Variants in PKNOX2 observed in about 807,000 individuals in gnomAD.
PKNOX2 encodes the protein homeobox protein PKNOX2.
A neutral mutation model predicts 53.1 loss-of-function variants in PKNOX2; 14 were observed. The ratio of observed to expected loss-of-function variants is 0.26; its 90% CI spans 0.17 to 0.41. The LOEUF is 0.41. PKNOX2 is among the 10% of genes least tolerant of loss of function. The pLI is 1.00. For synonymous variants in PKNOX2, 257 were observed against 242.8 expected, an observed-to-expected ratio of 1.06 and a Z score of -0.54; for missense variants, 496 against 602.8, an observed-to-expected ratio of 0.82 and a Z score of 1.85.
At chr11:125,297,254 G>A (rs779018911) in intron 2 of PKNOX2, among the ~76,000 whole-genome samples, 34 of 152,202 alleles carry the variant, frequency 2.2e-4, no homozygotes, top group Non-Finnish European at 3.5e-4. Context: ...CAGAATGGAG[G>A]CAGATAGCAG....
At chr11:125,319,140 C>T (rs910507303) in intron 2 of PKNOX2, among the ~76,000 whole-genome samples, 2 of 152,168 alleles carry the variant, frequency 1.3e-5, no homozygotes, top group African/African-American at 2.4e-5. Flanking sequence ...ACATGGGACT[C>T]CTTTCACTAG....
chr11:125,247,272 G>A (rs1943635795), intron 2 of PKNOX2, among the ~76,000 whole-genome samples: 1 of 152,116 alleles, frequency 6.6e-6, no homozygotes, highest in South Asian at 2.1e-4. Flanking sequence ...TGTTTACCTG[G>A]TTGGAACCCA....
chr11:125,249,003 ATATAT>A lies in PKNOX2; in HGVS notation c.-130+13894_-130+13898del, dbSNP rs554960505. 4.0e-3 allele frequency among the ~76,000 whole-genome samples: 576 copies of A among 145,744 alleles called. 1 individual carries two copies. The highest frequency in any genetic ancestry group is 0.013 in the African/African-American group (522 of 40,094). ...AATATATGTATATATAACATACATA[ATATAT>A]TATATATAACTTATATAATATAGTA... On this transcript the variant is annotated intron_variant, in intron 2 of 12. Coordinates refer to ENST00000298282, the MANE Select transcript of PKNOX2 (RefSeq NM_001382323.2).
chr11:125,292,305 C>T (rs747420247), intron 2 of PKNOX2, among the ~76,000 whole-genome samples: 4 of 152,182 alleles, frequency 2.6e-5, no homozygotes, highest in Non-Finnish European at 4.4e-5. Context: ...GGGGCTTGTG[C>T]CCCTGACAGC....
intron 1 of PKNOX2, among the ~76,000 whole-genome samples, chr11:125,195,000 T>C (rs910772976): frequency 6.6e-6 from 1 of 152,152 alleles, no homozygotes; most frequent in Non-Finnish European, 1.5e-5. Context: ...CTCTTTTGTA[T>C]TATGGACGGG....
At chr11:125,175,850 G>A (rs1213664434) in intron 1 of PKNOX2, among the ~76,000 whole-genome samples, 3 of 152,232 alleles carry the variant, frequency 2.0e-5, no homozygotes, top group Admixed American at 6.5e-5. Flanking sequence ...GTATGTGGAT[G>A]TGTTATACAT....
chr11:125,341,932 G>T (rs947413779), intron 3 of PKNOX2, among the ~76,000 whole-genome samples: 1 of 152,204 alleles, frequency 6.6e-6, no homozygotes, highest in African/African-American at 2.4e-5. Flanking sequence ...CTTCCAAGGG[G>T]GTGGTGAGGA....
intron 10 of PKNOX2, among the ~76,000 whole-genome samples, chr11:125,413,344 A>T (rs929830547): frequency 1.8e-4 from 28 of 152,202 alleles, no homozygotes; most frequent in Non-Finnish European, 3.1e-4. Flanking sequence ...CACAGGGGGA[A>T]CGCCCAGGTC....
At chr11:125,288,743 G>A (rs1345714459) in intron 2 of PKNOX2, among the ~76,000 whole-genome samples, 1 of 152,200 alleles carries the variant, frequency 6.6e-6, no homozygotes, top group Admixed American at 6.5e-5. Context: ...CTCCAAGTGT[G>A]GCCTGAGGAC....
intron 10 of PKNOX2, among the ~76,000 whole-genome samples, chr11:125,412,198 T>C (rs1465440417): frequency 1.3e-5 from 2 of 151,754 alleles, no homozygotes; most frequent in Non-Finnish European, 2.9e-5. Context: ...CTGCGGGGAG[T>C]GGGTGGTTTC....
At chr11:125,284,966 TTGAG>T (rs772741909) in intron 2 of PKNOX2, among the ~76,000 whole-genome samples, 11 of 152,166 alleles carry the variant, frequency 7.2e-5, no homozygotes, top group Admixed American at 3.9e-4. Context: ...TGGGGACTGA[TTGAG>T]TGGGAGGCTT....
At chr11:125,322,971 T>C (rs1949612161) in intron 2 of PKNOX2, among the ~76,000 whole-genome samples, 3 of 152,196 alleles carry the variant, frequency 2.0e-5, no homozygotes, top group African/African-American at 7.2e-5. Flanking sequence ...ATAACCCCAG[T>C]ACATAAAGTC....
chr11:125,287,638 T>G, intron 2 of PKNOX2: 1 of 152,152 alleles, frequency 6.6e-6, no homozygotes. Flanking sequence ...TTGGGCTAGT[T>G]CCCGGCTGAG....
intron 1 of PKNOX2, among the ~76,000 whole-genome samples, chr11:125,217,008 AACAC>A (rs10571639): frequency 0.041 from 6,037 of 147,092 alleles, 251 homozygotes; most frequent in East Asian, 0.22. Context: ...ATCCCCTCAA[AACAC>A]ACACACACAC....
chr11:125,276,214 G>A (rs928650885), intron 2 of PKNOX2, among the ~76,000 whole-genome samples: 1 of 152,132 alleles, frequency 6.6e-6, no homozygotes, highest in African/African-American at 2.4e-5. Context: ...TGGAGCGGTG[G>A]GTAATAAAGC....
intron 7 of PKNOX2, among the ~76,000 whole-genome samples, chr11:125,408,771 C>G (rs1229502710): frequency 6.6e-6 from 1 of 152,168 alleles, no homozygotes. Context: ...GTAACACTTT[C>G]CCTTCGTTGC....
intron 5 of PKNOX2, among the ~76,000 whole-genome samples, chr11:125,378,487 G>GC (rs965118083): frequency 6.6e-6 from 1 of 152,232 alleles, no homozygotes; most frequent in African/African-American, 2.4e-5. Context: ...GGAAGAAGCA[G>GC]CAGGGGTTCA....
intron 2 of PKNOX2, among the ~76,000 whole-genome samples, chr11:125,253,285 T>C (rs2135689266): frequency 6.6e-6 from 1 of 151,228 alleles, no homozygotes; most frequent in South Asian, 2.1e-4. Context: ...ATGTAGATAT[T>C]ATCATTTTTT....
intron 2 of PKNOX2, among the ~76,000 whole-genome samples, chr11:125,312,829 AG>A (rs1565494455): frequency 6.6e-6 from 1 of 152,240 alleles, no homozygotes; most frequent in Non-Finnish European, 1.5e-5. Flanking sequence ...TGATCAGACA[AG>A]GTTTCCGAGG....
Sources: allele counts gnomAD v4.1 joint callset (sites outside exome capture counted in the v4.1 genomes callset), GRCh38; gene constraint gnomAD v4.1.1; transcripts MANE v1.5; gene names NCBI Gene and HGNC (gene_info 2026-07-23, HGNC 2026-07-21).